ASIC1: variants seen among roughly 807,000 people sequenced by gnomAD.
The protein encoded by ASIC1 is acid-sensing ion channel 1.
In ASIC1, 21 loss-of-function variants were observed where a neutral mutation model predicts 63.4. The observed-to-expected ratio is 0.33, with a 90% confidence interval of 0.23 to 0.48. The LOEUF (loss-of-function observed/expected upper bound fraction) is 0.48. ASIC1 is among the 20% of genes least tolerant of loss of function. The pLI is 0.99. For missense variants in ASIC1, 478 were observed against 695.5 expected, an observed-to-expected ratio of 0.69 and a Z score of 3.52; for synonymous variants, 258 against 278.2, an observed-to-expected ratio of 0.93 and a Z score of 0.72.
chr12:50,064,480 C>G (rs371503825), intron 3 of ASIC1, among the ~76,000 whole-genome samples: 1 of 152,244 alleles, frequency 6.6e-6, no homozygotes, highest in African/African-American at 2.4e-5. Flanking sequence ...CTCTCTCAGA[C>G]AGCTATCAGC....
At chr12:50,071,443 GTT>G (rs534549679) in intron 3 of ASIC1, among the ~76,000 whole-genome samples, 1 of 141,470 alleles carries the variant, frequency 7.1e-6, no homozygotes. Context: ...AATTTTTTTG[GTT>G]TTTTTTTTTT....
At chr12:50,079,256 A>T (rs578093646) in intron 7 of ASIC1, among the ~76,000 whole-genome samples, 25 of 151,634 alleles carry the variant, frequency 1.6e-4, no homozygotes, top group African/African-American at 5.8e-4. Flanking sequence ...ATGAAAAATT[A>T]AAAAAAAATT....
chr12:50,069,922 T>C (rs921923152), intron 3 of ASIC1, among the ~76,000 whole-genome samples: 9 of 152,148 alleles, frequency 5.9e-5, no homozygotes, highest in Non-Finnish European at 1.0e-4. Context: ...TCCCTAAGAC[T>C]TGAATAGGCT....
rs761593096 is a variant in ASIC1 at position 50,074,408 on chromosome 12, G to A, written c.559-2805G>A. Among the ~76,000 whole-genome samples, 9 of 152,134 alleles carry A rather than the reference G, an allele frequency of 5.9e-5. No homozygotes were observed. The highest frequency in any genetic ancestry group is 3.9e-4 in the East Asian group (2 of 5,186). On this transcript the variant is annotated intron_variant, in intron 3 of 11. Coordinates refer to ENST00000447966, the MANE Select transcript of ASIC1 (RefSeq NM_001095.4). This position sits in a 1 kb window ranked among gnomAD's most constrained non-coding sequence, Gnocchi z 4.2. ...CAGGCCAGAGCTCACCCAGGAGTCC[G>A]GGGCCTGGAGCTGGGCTGGTATTCC... is the stretch of plus-strand genomic sequence containing the variant.
At chr12:50,080,460 G>A in intron 8 of ASIC1, 38 bp from the exon 9 acceptor site, 1 of 1,592,796 alleles carries the variant, frequency 6.3e-7, no homozygotes, top group Non-Finnish European at 8.6e-7. Flanking sequence ...ATAGAGATAT[G>A]ACTTGAACCT....
chr12:50,081,374 C>T lies in ASIC1; in HGVS notation c.1482+10C>T, dbSNP rs375340440. On this transcript the variant is annotated intron_variant, in intron 11 of 11. Coordinates refer to ENST00000447966, the MANE Select transcript of ASIC1 (RefSeq NM_001095.4). ...CGACGTCAAAAGACACGTGAGGGAG[C>T]GAGCGAGGGCGCCCTCCAGCCCGCC... 4 of 1,575,554 alleles carry T rather than the reference C, an allele frequency of 2.5e-6. No individual in the cohort carries two copies. Among genetic ancestry groups the T allele is most frequent in the African/African-American group, 1.3e-5 (1 of 74,118 alleles).
At chr12:50,073,668 C>A (rs935354947) in intron 3 of ASIC1, 1 of 1,536,380 alleles carries the variant, frequency 6.5e-7, no homozygotes, top group Non-Finnish European at 8.7e-7. Context: ...GGGGTCCCCA[C>A]CACCATCAGC....
chr12:50,081,868 A>G lies in ASIC1; in HGVS notation c.*219A>G, dbSNP rs1706932592. 4 of 568,972 alleles carry G rather than the reference A, an allele frequency of 7.0e-6. No individual in the cohort carries two copies. Among genetic ancestry groups the G allele is most frequent in the South Asian group, 6.5e-5 (3 of 46,248 alleles). 35.2% of individuals were successfully genotyped at this position (568,972 alleles called of 1,614,324 possible). On this transcript the variant is annotated 3_prime_UTR_variant, in exon 12 of 12. Transcript: ENST00000447966. ...CAAAACTAATCTAAAAAAGAACTAAAAAGGGAGAACGGGGCAAGGGACCTC... is the reference window on the plus strand; with the variant it reads ...CAAAACTAATCTAAAAAAGAACTAAGAAGGGAGAACGGGGCAAGGGACCTC...
intron 3 of ASIC1, among the ~76,000 whole-genome samples, chr12:50,063,612 A>C (rs543635916): frequency 6.6e-6 from 1 of 152,168 alleles, no homozygotes; most frequent in African/African-American, 2.4e-5. Flanking sequence ...GGAGACCAGA[A>C]TCTCCCAGGG....
chr12:50,080,332 A>G (rs1394200121), intron 8 of ASIC1, 166 bp from the exon 9 acceptor site: 1 of 788,680 alleles, frequency 1.3e-6, no homozygotes, highest in Admixed American at 2.6e-5. Context: ...ACATTTTTTC[A>G]TATATGCCAT....
Position 50,081,275 on chromosome 12 carries a change from C to A in ASIC1, c.1393C>A (p.Leu465Met), listed in dbSNP as rs779277966. 6.2e-7 allele frequency: 1 copy of A among 1,609,328 alleles called. No homozygotes were observed. The highest frequency in any genetic ancestry group is 8.5e-7 in the Non-Finnish European group (1 of 1,177,892). ...CCCGTCCTAGGTCATTAAGCACAAGCTGTGCCGACGAGGAAAATGCCAGAA... is the reference window on the plus strand; with the variant it reads ...CCCGTCCTAGGTCATTAAGCACAAGATGTGCCGACGAGGAAAATGCCAGAA... ...DYAYEVIKHK[L>M]CRRGKCQKEA... is the part of the protein sequence containing the mutation. Residue 465 changes from leucine (L) to methionine (M), a missense_variant, in exon 11 of 12, where the codon CTG becomes ATG. This residue lies in a region of ASIC1 where 104 missense variants were observed against 97.0 expected (regional missense o/e 1.07). Transcript: ENST00000447966.
At chr12:50,067,460 A>T (rs1950556768) in intron 3 of ASIC1, among the ~76,000 whole-genome samples, 1 of 143,256 alleles carries the variant, frequency 7.0e-6, no homozygotes, top group African/African-American at 2.6e-5. Context: ...CTCAGGCTGG[A>T]GTGCAGTGGC....
At chr12:50,079,684 T>TGGCCTGCACGGTTCAGC (rs1470707038) in intron 7 of ASIC1, among the ~76,000 whole-genome samples, 5 of 152,160 alleles carry the variant, frequency 3.3e-5, no homozygotes, top group African/African-American at 1.2e-4. Context: ...GTTGGTTCAG[T>TGGCCTGCACGGTTCAGC]GGCCTGCAGG....
At position 50,078,831 on chromosome 12, in the gene ASIC1, C is replaced by T; in HGVS notation, c.995-93C>T. On this transcript the variant is annotated intron_variant, in intron 6 of 11. Transcript: ENST00000447966. This position sits in a 1 kb window ranked among gnomAD's most constrained non-coding sequence, Gnocchi z 6.0. ...CCTGCCAGTCCTCCCTTCCCATCTTCTCCCAGCTTACACCTTCTAGGCCTT... is the reference window on the plus strand; with the variant it reads ...CCTGCCAGTCCTCCCTTCCCATCTTTTCCCAGCTTACACCTTCTAGGCCTT... The T allele has an allele frequency of 6.8e-7, 1 of 1,468,578 alleles. No homozygotes were observed. 91.0% of individuals were successfully genotyped at this position (1,468,578 alleles called of 1,614,324 possible).
At chr12:50,067,555 CG>C (rs1950557944) in intron 3 of ASIC1, among the ~76,000 whole-genome samples, 1 of 152,004 alleles carries the variant, frequency 6.6e-6, no homozygotes, top group East Asian at 1.9e-4. Flanking sequence ...ATTACAGATG[CG>C]TGCCACCATG....
At chr12:50,068,358 G>A (rs1950565852) in intron 3 of ASIC1, among the ~76,000 whole-genome samples, 1 of 152,122 alleles carries the variant, frequency 6.6e-6, no homozygotes, top group Non-Finnish European at 1.5e-5. Context: ...GTTGATATAT[G>A]CACTCATTTC....
intron 3 of ASIC1, among the ~76,000 whole-genome samples, chr12:50,063,791 C>T (rs1331131913): frequency 2.0e-5 from 3 of 152,088 alleles, no homozygotes; most frequent in Non-Finnish European, 4.4e-5. Context: ...GAGAAGTCAT[C>T]TTAAAGCAGG....
rs1950705043 is a variant in ASIC1, at chr12:50,080,569, A to G, written c.1277A>G (p.Tyr426Cys). ...NYETIEQKKA[Y>C]EIAGLLGDIG... ...GAGACCATTGAACAGAAGAAGGCCT[A>G]TGAGATTGCAGGGCTCCTGGGTGAG... Residue 426 changes from tyrosine (Y) to cysteine (C), a missense_variant, in exon 9 of 12, where the codon TAT becomes TGT. By Grantham distance (194) the Tyr-to-Cys change is radical. Around this residue, in one of 3 missense-constraint regions of ASIC1, gnomAD observed 84 missense variants for 183.5 expected, o/e 0.46. Coordinates refer to ENST00000447966, the MANE Select transcript of ASIC1 (RefSeq NM_001095.4). 1 of 1,614,172 alleles carries G rather than the reference A, an allele frequency of 6.2e-7. No homozygotes were observed.
intron 3 of ASIC1, among the ~76,000 whole-genome samples, chr12:50,061,340 T>C (rs1008411145): frequency 6.6e-6 from 1 of 152,218 alleles, no homozygotes; most frequent in African/African-American, 2.4e-5. Flanking sequence ...CCTTTGTCAA[T>C]CCTGCTGGAC....
Sources: gnomAD v4.1 joint callset for allele counts (sites outside exome capture counted in the v4.1 genomes callset) on GRCh38, gnomAD v4.1.1 for gene constraint, gnomAD v4.1.1 regional missense constraint, Gnocchi (gnomAD v3.1) non-coding constraint, MANE v1.5 for transcripts, NCBI Gene and HGNC (gene_info 2026-07-23, HGNC 2026-07-21) for gene names.